KDM2B: variants seen among roughly 807,000 people sequenced by gnomAD.
KDM2B encodes the protein lysine demethylase 2B.
In KDM2B, 26 loss-of-function variants were observed where a neutral mutation model predicts 150.0. The ratio of observed to expected loss-of-function variants is 0.17; its 90% CI spans 0.13 to 0.24. KDM2B has a LOEUF of 0.24. KDM2B is among the 10% of genes least tolerant of loss of function. The pLI is 1.00. For synonymous variants in KDM2B, 734 were observed against 729.5 expected, an observed-to-expected ratio of 1.01 and a Z score of -0.10; for missense variants, 1,265 against 1,816.9, an observed-to-expected ratio of 0.70 and a Z score of 5.52.
At chr12:121,498,292 C>T (rs575996592) in intron 11 of KDM2B, among the ~76,000 whole-genome samples, 1 of 152,168 alleles carries the variant, frequency 6.6e-6, no homozygotes, top group East Asian at 1.9e-4. Context: ...ATCCCAAACT[C>T]TAGGATTGGG....
intron 12 of KDM2B, among the ~76,000 whole-genome samples, chr12:121,488,119 C>T (rs1362355901): frequency 6.6e-6 from 1 of 152,140 alleles, no homozygotes; most frequent in Non-Finnish European, 1.5e-5. Flanking sequence ...CTCCCAAACC[C>T]CCAGGAAGTG....
chr12:121,472,539 T>C (rs1165345738), intron 12 of KDM2B, among the ~76,000 whole-genome samples: 1 of 152,252 alleles, frequency 6.6e-6, no homozygotes, highest in Non-Finnish European at 1.5e-5. Context: ...CTAAATAGAC[T>C]AAGCTTTCTG....
chr12:121,549,329 C>A lies in KDM2B; in HGVS notation c.576+131G>T. On this transcript the variant is annotated intron_variant, in intron 5 of 22. Coordinates refer to ENST00000377071, the MANE Select transcript of KDM2B (RefSeq NM_032590.5). This position sits in a 1 kb window ranked among gnomAD's most constrained non-coding sequence, Gnocchi z 4.4. ...AACCACGTTACCAACCTTAGTCACCCCTATGCCTGCCAAGCCCAGCCAGCC... is the reference window on the plus strand; with the variant it reads ...AACCACGTTACCAACCTTAGTCACCACTATGCCTGCCAAGCCCAGCCAGCC... The A allele has an allele frequency of 1.3e-6, 1 of 781,504 alleles. No individual in the cohort carries two copies. The highest frequency in any genetic ancestry group is 1.9e-5 in the South Asian group (1 of 52,796). 48.4% of individuals were successfully genotyped at this position (781,504 alleles called of 1,614,324 possible).
At chr12:121,565,778 A>C (rs1276626873) in intron 4 of KDM2B, among the ~76,000 whole-genome samples, 1 of 151,580 alleles carries the variant, frequency 6.6e-6, no homozygotes, top group Non-Finnish European at 1.5e-5. Context: ...GGCACCTGCC[A>C]CCACACCCGG....
intron 12 of KDM2B, among the ~76,000 whole-genome samples, chr12:121,489,415 G>A (rs1390701476): frequency 2.0e-5 from 3 of 151,806 alleles, no homozygotes; most frequent in Admixed American, 6.6e-5. Context: ...GACTACAGGC[G>A]TGAGCCACCG....
At chr12:121,462,501 T>C (rs1555293917) in intron 12 of KDM2B, among the ~76,000 whole-genome samples, 1 of 152,104 alleles carries the variant, frequency 6.6e-6, no homozygotes, top group African/African-American at 2.4e-5. Flanking sequence ...TTTCACTTTT[T>C]TTTTTTTTTT....
rs571260706 is a variant in KDM2B at position 121,557,542 on chromosome 12, G to A, written c.398-7904C>T. 7.5e-4 allele frequency among the ~76,000 whole-genome samples: 114 copies of A among 152,122 alleles called. 1 individual carries two copies. Among genetic ancestry groups the A allele is most frequent in the African/African-American group, 2.5e-3 (105 of 41,512 alleles). ...GGCGTGAGCCACCGTGCCCAGCCAT[G>A]ACAAAGGAAATGTGGACACAGACAC... On this transcript the variant is annotated intron_variant, in intron 4 of 22. Coordinates refer to ENST00000377071, the MANE Select transcript of KDM2B (RefSeq NM_032590.5).
At position 121,443,758 on chromosome 12, in the gene KDM2B, A is replaced by G; in HGVS notation, c.2487T>C (p.Ser829=). Residue 829 remains serine, a synonymous_variant, in exon 17 of 23, where the codon TCT becomes TCC. Transcript: ENST00000377071. ...SSLQTSPGSS[S]HLSPRPPLGS... ...CTAGAGGGGGCCTCGGCGAGAGGTG[A>G]GAGGAGGAACCGGGGGACGTTTGAA... 1 of 1,609,896 alleles carries G rather than the reference A, an allele frequency of 6.2e-7. No homozygotes were observed. Among genetic ancestry groups the G allele is most frequent in the Non-Finnish European group, 8.5e-7 (1 of 1,178,900 alleles).
chr12:121,551,444 C>T (rs551880488), intron 4 of KDM2B, among the ~76,000 whole-genome samples: 4 of 151,314 alleles, frequency 2.6e-5, no homozygotes, highest in Non-Finnish European at 4.4e-5. Flanking sequence ...CTCCCTGGCT[C>T]GAGGGATCCT....
intron 12 of KDM2B, among the ~76,000 whole-genome samples, chr12:121,489,638 C>T (rs782270744): frequency 6.6e-6 from 1 of 152,066 alleles, no homozygotes; most frequent in Non-Finnish European, 1.5e-5. Flanking sequence ...TGGGGTTTTA[C>T]CATGTTAGTG....
At position 121,575,757 on chromosome 12, in the gene KDM2B, GA is replaced by G. The variant is rs781914274; in HGVS notation, c.350+23del. On this transcript the variant is annotated intron_variant, in intron 3 of 22. Coordinates refer to ENST00000377071, the MANE Select transcript of KDM2B (RefSeq NM_032590.5). This position sits in a 1 kb window ranked among gnomAD's most constrained non-coding sequence, Gnocchi z 4.4. The stretch of plus-strand genomic sequence containing the variant: ...ATGTTAGGGAGGAAGACGGGGGAAG[GA>G]GTGATTAGTTTCAGCAACTTACTTA... 6.6e-7 allele frequency: 1 copy of G among 1,515,988 alleles called. No individual in the cohort carries two copies. The highest frequency in any genetic ancestry group is 9.2e-7 in the Non-Finnish European group (1 of 1,090,596). 93.9% of individuals were successfully genotyped at this position (1,515,988 alleles called of 1,614,324 possible).
At chr12:121,441,664 T>G (rs1452938330) in intron 19 of KDM2B, among the ~76,000 whole-genome samples, 2 of 152,186 alleles carry the variant, frequency 1.3e-5, no homozygotes, top group African/African-American at 4.8e-5. Flanking sequence ...CTTGAACTCC[T>G]GACTTCAAGT....
At chr12:121,580,582 G>T in intron 1 of KDM2B, 1 of 863,210 alleles carries the variant, frequency 1.2e-6, no homozygotes, top group Non-Finnish European at 1.6e-6. Context: ...CAGGGAGGGA[G>T]GGAAGGAGGA....
intron 6 of KDM2B, among the ~76,000 whole-genome samples, chr12:121,539,566 CCCCCTTTCTGGAACT>C (rs1407656570): frequency 2.0e-5 from 3 of 152,162 alleles, no homozygotes; most frequent in Middle Eastern, 3.4e-3. Flanking sequence ...GACTGATCTT[CCCCCTTTCTGGAACT>C]CAGAGTCCCA....
upstream of KDM2B, chr12:121,581,198 T>A (rs538798632): frequency 2.7e-5 from 9 of 334,274 alleles, no homozygotes; most frequent in East Asian, 4.0e-4. Context: ...AGATAGATGC[T>A]CAGGAGCGAA....
intron 4 of KDM2B, among the ~76,000 whole-genome samples, chr12:121,550,736 C>T (rs1039242413): frequency 1.3e-5 from 2 of 152,084 alleles, no homozygotes; most frequent in Admixed American, 1.3e-4. Context: ...TCAAGGGATC[C>T]ACCCACCTCA....
rs1315100316 is a variant in KDM2B, at chr12:121,509,481, T to A, written c.1647+86A>T. On this transcript the variant is annotated intron_variant, in intron 11 of 22. Transcript: ENST00000377071. ...GCTCAGAGCAATCTGCACAGAGCCA[T>A]CGTGAGCTGAGCTGCACGTGTCACA... 5.8e-6 allele frequency: 9 copies of A among 1,544,636 alleles called. No individual in the cohort carries two copies. In the Admixed American group the frequency reaches 9.5e-5, roughly 16 times the overall value.
rs782012272 is a variant in KDM2B at position 121,443,798 on chromosome 12, A to AG, written c.2452-6dup. ...GGACGTTTGAAGCGATGAGGCCTAA[A>AG]GGGGGGTGGAGTGGGAAGAGGAGTG... On this transcript the variant is annotated splice_polypyrimidine_tract_variant and splice_region_variant and intron_variant, in intron 16 of 22. Coordinates refer to ENST00000377071, the MANE Select transcript of KDM2B (RefSeq NM_032590.5). The AG allele has an allele frequency of 1.1e-5, 17 of 1,539,224 alleles. No individual in the cohort carries two copies. The highest frequency in any genetic ancestry group is 1.4e-5 in the Non-Finnish European group (16 of 1,127,430).
chr12:121,550,253 T>C (rs1300921973), intron 4 of KDM2B, among the ~76,000 whole-genome samples: 1 of 150,206 alleles, frequency 6.7e-6, no homozygotes, highest in African/African-American at 2.5e-5. Flanking sequence ...GAGGTTGCAG[T>C]GAGCTGAGAT....
Sources: gnomAD v4.1 joint callset for allele counts (sites outside exome capture counted in the v4.1 genomes callset) on GRCh38, gnomAD v4.1.1 for gene constraint, Gnocchi (gnomAD v3.1) non-coding constraint, MANE v1.5 for transcripts, NCBI Gene and HGNC (gene_info 2026-07-23, HGNC 2026-07-21) for gene names.